The following NDEL1 variants were observed in gnomAD, a reference collection of about 807,000 sequenced individuals.
NDEL1 encodes nudE neurodevelopment protein 1 like 1, also known as nuclear distribution protein nudE-like 1.
A neutral mutation model predicts 45.7 loss-of-function variants in NDEL1; 9 were observed. The observed-to-expected ratio is 0.20, with a 90% CI of 0.12 to 0.34. The LOEUF (loss-of-function observed/expected upper bound fraction) is 0.34. NDEL1 is among the 10% of genes least tolerant of loss of function. The probability of loss-of-function intolerance (pLI) is 1.00; values close to 1 mark genes in which losing one functional copy is unlikely to be tolerated. For synonymous variants in NDEL1, 133 were observed against 158.6 expected (o/e 0.84, Z 1.21); for missense variants, 306 against 406.2 (o/e 0.75, Z 2.12).
At chr17:8,471,988 G>A (rs146985795), downstream of NDEL1, among the ~76,000 whole-genome samples, 323 of 152,332 alleles carry the variant, frequency 2.1e-3, 1 homozygote, top group African/African-American at 7.5e-3. Flanking sequence ...GGGGAGACCT[G>A]CCTGGAACTC....
chr17:8,415,737 G>A lies in NDEL1; in HGVS notation c.-13+2468G>A, dbSNP rs114852626. On this transcript the variant is annotated intron_variant, in intron 1 of 4. Coordinates refer to the NDEL1 transcript ENST00000582812. ...CTATTTTCCATTTTTAATGTGCCTT[G>A]CCCATTTTACATTTTTTATTGTGGT... Among the ~76,000 whole-genome samples, 224 of 147,480 alleles carry A rather than the reference G, an allele frequency of 1.5e-3. 2 individuals are homozygous for A. Among genetic ancestry groups the A allele is most frequent in the African/African-American group, 5.3e-3 (211 of 39,820 alleles).
At chr17:8,468,677 CTGTT>C (rs1911754303), downstream of NDEL1, among the ~76,000 whole-genome samples, 1 of 152,240 alleles carries the variant, frequency 6.6e-6, no homozygotes, top group Non-Finnish European at 1.5e-5. Context: ...ATTCTGAGCA[CTGTT>C]TGCTTAGAAC....
At chr17:8,415,317 C>T (rs1047276500) in intron 1 of NDEL1, among the ~76,000 whole-genome samples, 1 of 151,964 alleles carries the variant, frequency 6.6e-6, no homozygotes, top group African/African-American at 2.4e-5. Flanking sequence ...TAGCTGGGGC[C>T]ACAGGTGTCT....
At chr17:8,460,527 C>T (rs755191471) in intron 8 of NDEL1, among the ~76,000 whole-genome samples, 4 of 152,180 alleles carry the variant, frequency 2.6e-5, no homozygotes, top group Non-Finnish European at 5.9e-5. Flanking sequence ...TATATGCAAA[C>T]TCTACAACAG....
chr17:8,462,265 A>G (rs1174161073), intron 8 of NDEL1, among the ~76,000 whole-genome samples: 1 of 152,140 alleles, frequency 6.6e-6, no homozygotes. Context: ...CTATTAAGAA[A>G]TATGCTTTTG....
At chr17:8,463,332 C>T (rs759000205) in intron 8 of NDEL1, 14 of 1,612,780 alleles carry the variant, frequency 8.7e-6, no homozygotes, top group Non-Finnish European at 1.2e-5. Flanking sequence ...AAGAAAAAGT[C>T]ATATTTCCCA....
chr17:8,449,744 C>T (rs955643505), intron 5 of NDEL1, among the ~76,000 whole-genome samples: 1 of 151,150 alleles, frequency 6.6e-6, no homozygotes, highest in Non-Finnish European at 1.5e-5. Flanking sequence ...GAATGATACT[C>T]CATTGTATGT....
chr17:8,467,245 G>T lies in NDEL1; in HGVS notation c.*222G>T. ...TTTCTCTTCTCGCCGTAGTGCCGTT[G>T]GTTTCACATGATTGCACTTTTGTGG... On this transcript the variant is annotated 3_prime_UTR_variant, in exon 9 of 9. Transcript: ENST00000334527. The surrounding 1 kb of genome is among the most constrained non-coding windows in gnomAD (Gnocchi z 6.3). The T allele has an allele frequency of 1.7e-6, 1 of 589,642 alleles. No individual in the cohort carries two copies. The highest frequency in any genetic ancestry group is 3.0e-6 in the Non-Finnish European group (1 of 331,854). 36.5% of individuals were successfully genotyped at this position (589,642 alleles called of 1,614,324 possible).
chr17:8,444,026 C>T (rs1325329973), intron 1 of NDEL1: 1 of 346,532 alleles, frequency 2.9e-6, no homozygotes, highest in Non-Finnish European at 5.3e-6. Context: ...AAAGTGCCTC[C>T]TGTCGCTTTG....
chr17:8,457,273 C>T (rs747382108), intron 7 of NDEL1, among the ~76,000 whole-genome samples: 54 of 152,158 alleles, frequency 3.5e-4, no homozygotes, highest in Non-Finnish European at 6.8e-4. Context: ...GCATTGTTGT[C>T]GCCCTCGAAT....
At chr17:8,463,221 C>G in intron 8 of NDEL1, 1 of 856,688 alleles carries the variant, frequency 1.2e-6, no homozygotes, top group Non-Finnish European at 1.9e-6. Flanking sequence ...ACTCTGAGTT[C>G]TTTTGGGCTG....
chr17:8,461,488 A>T (rs932035247), intron 8 of NDEL1: 1 of 152,244 alleles, frequency 6.6e-6, no homozygotes, highest in African/African-American at 2.4e-5. Flanking sequence ...CCTGGGCTCA[A>T]GTGATCCTCC....
At position 8,450,818 on chromosome 17, in the gene NDEL1, G is replaced by C. The variant is rs770148414; in HGVS notation, c.565G>C (p.Glu189Gln). The C allele has an allele frequency of 6.2e-7, 1 of 1,612,104 alleles. No homozygotes were observed. Among genetic ancestry groups the C allele is most frequent in the South Asian group, 1.1e-5 (1 of 90,638 alleles). The change falls in exon 6 of 9, where the codon GAA (glutamate) becomes CAA (glutamine). Residue 189 changes from glutamate to glutamine, a missense_variant. By Grantham distance (29) the Glu-to-Gln change is conservative. This residue lies in a region of NDEL1 where 175 missense variants were observed against 205.2 expected (regional missense o/e 0.85). Coordinates refer to ENST00000334527, the MANE Select transcript of NDEL1 (RefSeq NM_030808.5). The part of the protein sequence containing the change: ...QELAVRERQQ[E>Q]VTRKSAPSSP... Reference sequence around the variant, plus strand: ...ACTAGCAGTTCGGGAAAGACAACAGGAAGTAACTAGAAAGTCGGCTCCTAG... The same window carrying C: ...ACTAGCAGTTCGGGAAAGACAACAGCAAGTAACTAGAAAGTCGGCTCCTAG...
chr17:8,463,443 C>A, intron 8 of NDEL1: 1 of 1,261,666 alleles, frequency 7.9e-7, no homozygotes, highest in Non-Finnish European at 1.1e-6. Flanking sequence ...GTTTTACTAA[C>A]TGCATGGGGC....
chr17:8,436,784 C>G (rs1328440488), intron 1 of NDEL1: 3 of 152,218 alleles, frequency 2.0e-5, no homozygotes, highest in Non-Finnish European at 4.4e-5. Flanking sequence ...CTTTTTCTAA[C>G]CGCATCACCT....
intron 5 of NDEL1, among the ~76,000 whole-genome samples, chr17:8,449,624 A>G (rs1340225034): frequency 6.6e-6 from 1 of 152,238 alleles, no homozygotes; most frequent in Non-Finnish European, 1.5e-5. Flanking sequence ...TAGATACCTC[A>G]TATAAGGGAG....
intron 1 of NDEL1, among the ~76,000 whole-genome samples, chr17:8,442,777 C>CT (rs34963430): frequency 1.3e-3 from 106 of 84,090 alleles, no homozygotes; most frequent in African/African-American, 3.3e-3. Context: ...TATTTATTTA[C>CT]TTTTTTTTTT....
intron 1 of NDEL1, among the ~76,000 whole-genome samples, chr17:8,422,786 G>A (rs1459711402): frequency 6.6e-6 from 1 of 151,024 alleles, no homozygotes; most frequent in African/African-American, 2.4e-5. Context: ...ACCCAGGCTG[G>A]AGTGCAATGG....
At chr17:8,452,740 C>CTTTTTTTTTTTTTTTTTTTTTTTTTCTT in intron 6 of NDEL1, among the ~76,000 whole-genome samples, 1 of 95,628 alleles carries the variant, frequency 1.0e-5, no homozygotes, top group Non-Finnish European at 2.0e-5. Context: ...TTTTTCTTCT[C>CTTTTTTTTTTTTTTTTTTTTTTTTTCTT]TTTTTTTTTT....
Sources: gnomAD v4.1 joint callset for allele counts (sites outside exome capture counted in the v4.1 genomes callset) on GRCh38, gnomAD v4.1.1 for gene constraint, gnomAD v4.1.1 regional missense constraint, Gnocchi (gnomAD v3.1) non-coding constraint, MANE v1.5 for transcripts, NCBI Gene and HGNC (gene_info 2026-07-23, HGNC 2026-07-21) for gene names.